The following XPO7 variants were observed in gnomAD, a reference collection of about 807,000 sequenced individuals.
The protein encoded by XPO7 is exportin-7.
A neutral mutation model predicts 144.3 loss-of-function variants in XPO7; 21 were observed. The observed-to-expected ratio is 0.15, with a 90% CI of 0.10 to 0.21. The LOEUF (loss-of-function observed/expected upper bound fraction) is 0.21, where lower values mean the gene tolerates loss of function less well. Ranked by LOEUF, XPO7 falls within the 10% of genes least tolerant of loss-of-function variation. XPO7 has a pLI of 1.00. For missense variants in XPO7, 808 were observed against 1,325.8 expected, an observed-to-expected ratio of 0.61 and a Z score of 6.06; for synonymous variants, 580 against 499.6, an observed-to-expected ratio of 1.16 and a Z score of -2.15.
At chr8:21,985,031 C>CTGCAGTGGGATTTTGTT (rs1182190288) in intron 12 of XPO7, among the ~76,000 whole-genome samples, 192 bp downstream of exon 12, 2 of 152,008 alleles carry the variant, frequency 1.3e-5, no homozygotes, top group Non-Finnish European at 1.5e-5. Context: ...GAAATCACAT[C>CTGCAGTGGGATTTTGTT]TGCAGTGGGA....
intron 1 of XPO7, among the ~76,000 whole-genome samples, chr8:21,930,897 G>A (rs1004409911): frequency 4.6e-5 from 7 of 152,092 alleles, no homozygotes; most frequent in Non-Finnish European, 8.8e-5. Context: ...GCAGTGTTGC[G>A]ATCTCCGATC....
intron 1 of XPO7, among the ~76,000 whole-genome samples, chr8:21,959,752 G>A (rs1468469533): frequency 2.0e-5 from 3 of 152,060 alleles, no homozygotes; most frequent in Admixed American, 1.3e-4. Flanking sequence ...ATAGTTTATT[G>A]CAGTCAAAGA....
intron 1 of XPO7, chr8:21,964,369 G>A (rs1811817467): frequency 6.6e-6 from 1 of 152,086 alleles, no homozygotes; most frequent in African/African-American, 2.4e-5. Flanking sequence ...AGTTGTTATA[G>A]CTAATCAAAT....
At chr8:21,934,074 A>G (rs541160442) in intron 1 of XPO7, among the ~76,000 whole-genome samples, 15 of 152,362 alleles carry the variant, frequency 9.8e-5, no homozygotes, top group African/African-American at 3.4e-4. Context: ...ACTGTGCTAC[A>G]TAGTAGAGAT....
At chr8:21,957,982 A>G (rs1278105981) in intron 1 of XPO7, among the ~76,000 whole-genome samples, 1 of 151,908 alleles carries the variant, frequency 6.6e-6, no homozygotes, top group Non-Finnish European at 1.5e-5. Flanking sequence ...GTCTATGTCT[A>G]GTTCCTAAGT....
At chr8:21,934,913 T>A (rs546741397) in intron 1 of XPO7, among the ~76,000 whole-genome samples, 19 of 152,210 alleles carry the variant, frequency 1.2e-4, no homozygotes, top group African/African-American at 4.6e-4. Flanking sequence ...AGGTGGATTG[T>A]AATAGCAAAA....
intron 1 of XPO7, among the ~76,000 whole-genome samples, chr8:21,929,000 C>T (rs1481754930): frequency 1.3e-5 from 2 of 152,016 alleles, no homozygotes; most frequent in African/African-American, 4.8e-5. Context: ...GTGATGTGTC[C>T]CTTCAAATCT....
In XPO7 at chr8:21,919,743, G is replaced by A; in HGVS notation, c.-28G>A. The stretch of plus-strand genomic sequence containing the variant: ...GAGGTGCGCGCTGGGGGGGAGGGGG[G>A]GCCGGAGAGGAGCATGAATGGAGCA... On this transcript the variant is annotated 5_prime_UTR_variant, in exon 1 of 28. Transcript: ENST00000252512. 1.1e-5 allele frequency: 4 copies of A among 371,034 alleles called. No individual in the cohort carries two copies. Among genetic ancestry groups the A allele is most frequent in the African/African-American group, 2.2e-5 (1 of 45,502 alleles). 23.0% of individuals were successfully genotyped at this position (371,034 alleles called of 1,614,324 possible).
intron 3 of XPO7, 92 bp downstream of exon 3, chr8:21,969,668 A>G (rs1471099774): frequency 8.4e-6 from 10 of 1,187,312 alleles, no homozygotes; most frequent in Middle Eastern, 1.9e-4. Flanking sequence ...GTTCAATGAT[A>G]TGCTGAGATT....
At chr8:21,920,954 G>A (rs1810262202) in intron 1 of XPO7, among the ~76,000 whole-genome samples, 1 of 152,126 alleles carries the variant, frequency 6.6e-6, no homozygotes, top group African/African-American at 2.4e-5. Flanking sequence ...GGAGAGAAGG[G>A]ACTAAATAAA....
intron 11 of XPO7, among the ~76,000 whole-genome samples, chr8:21,983,279 C>G (rs1053244568): frequency 1.4e-4 from 22 of 152,334 alleles, no homozygotes; most frequent in African/African-American, 5.3e-4. Flanking sequence ...GATTGCTTTA[C>G]ATTCATACAT....
chr8:21,922,695 A>G (rs1810328466), intron 1 of XPO7, among the ~76,000 whole-genome samples: 1 of 152,300 alleles, frequency 6.6e-6, no homozygotes, highest in Non-Finnish European at 1.5e-5. Context: ...TCGAGAGGAA[A>G]AGGAAGGAAA....
At chr8:21,971,269 C>T (rs1211200120) in intron 4 of XPO7, among the ~76,000 whole-genome samples, 3 of 152,150 alleles carry the variant, frequency 2.0e-5, no homozygotes, top group Non-Finnish European at 4.4e-5. Flanking sequence ...TAACACATTT[C>T]GTAGAACGTG....
At chr8:21,957,216 G>T (rs1485869092) in intron 1 of XPO7, among the ~76,000 whole-genome samples, 2 of 152,082 alleles carry the variant, frequency 1.3e-5, no homozygotes, top group Non-Finnish European at 1.5e-5. Flanking sequence ...TGACCTATTT[G>T]TTACAGGGTG....
At chr8:21,960,280 G>C (rs1225913659) in intron 1 of XPO7, among the ~76,000 whole-genome samples, 1 of 152,176 alleles carries the variant, frequency 6.6e-6, no homozygotes, top group African/African-American at 2.4e-5. Flanking sequence ...AATGACTGTG[G>C]GCCCGTTTCA....
At chr8:21,936,911 A>G (rs1810839836) in intron 1 of XPO7, among the ~76,000 whole-genome samples, 2 of 151,948 alleles carry the variant, frequency 1.3e-5, no homozygotes, top group Admixed American at 6.6e-5. Context: ...GTTGAGGGGG[A>G]AGCATTGTTG....
chr8:21,960,961 A>G (rs1344787433), intron 1 of XPO7, among the ~76,000 whole-genome samples: 1 of 152,240 alleles, frequency 6.6e-6, no homozygotes, highest in African/African-American at 2.4e-5. Context: ...AAAATACATG[A>G]ATTATAAATA....
At chr8:21,922,882 A>G (rs566642278) in intron 1 of XPO7, among the ~76,000 whole-genome samples, 2 of 152,180 alleles carry the variant, frequency 1.3e-5, no homozygotes, top group Non-Finnish European at 2.9e-5. Context: ...ACTATTTGCA[A>G]AGTAGTCATA....
rs764706139 is a variant in XPO7 at position 22,006,289 on chromosome 8, A to C, written c.*1201A>C. 3.9e-5 allele frequency: 6 copies of C among 152,216 alleles called. No individual in the cohort carries two copies. The highest frequency in any genetic ancestry group is 7.2e-5 in the African/African-American group (3 of 41,452). The allele number at this position is 152,216 out of a possible 1,614,324, so 9.4% of individuals were successfully genotyped here. On this transcript the variant is annotated 3_prime_UTR_variant, in exon 28 of 28. Transcript: ENST00000252512. ...TGAATATTAAAAAAAATAATAACCT[A>C]CAGAGGAAAATTAATGGAGACAGCT...
Sources: allele counts gnomAD v4.1 joint callset (sites outside exome capture counted in the v4.1 genomes callset), GRCh38; gene constraint gnomAD v4.1.1; transcripts MANE v1.5; gene names NCBI Gene and HGNC (gene_info 2026-07-23, HGNC 2026-07-21).